PLCB3: variants seen among roughly 807,000 people sequenced by gnomAD.
PLCB3 encodes the protein 1-phosphatidylinositol 4,5-bisphosphate phosphodiesterase beta-3.
Under a neutral mutation model 152.1 loss-of-function variants are expected in PLCB3, and 54 were observed. That is an observed-to-expected ratio of 0.36 (90% CI 0.29 to 0.45). PLCB3 has a LOEUF of 0.45. Among genes scored for constraint, PLCB3 ranks in the 20% least tolerant of loss-of-function variants. The pLI is 1.00. For synonymous variants in PLCB3, 717 were observed against 698.7 expected (o/e 1.03, Z -0.41); for missense variants, 1,248 against 1,687.5 (o/e 0.74, Z 4.56).
At chr11:64,256,867 T>C (rs1348426838) in intron 10 of PLCB3, 103 bp downstream of exon 10, 29 of 1,306,344 alleles carry the variant, frequency 2.2e-5, no homozygotes, top group Non-Finnish European at 2.8e-5. Context: ...TGCTCATTCA[T>C]TGGCCAGTGC....
Position 64,266,178 on chromosome 11 carries a change from A to G in PLCB3, c.3242A>G (p.Lys1081Arg). Residue 1081 changes from lysine (K) to arginine (R), a missense_variant, in exon 27 of 31, where the codon AAG (lysine) becomes AGG (arginine). Lys to Arg is a conservative substitution (Grantham distance 26, BLOSUM62 2). Coordinates refer to ENST00000279230, the MANE Select transcript of PLCB3 (RefSeq NM_000932.5). This position sits in a 1 kb window ranked among gnomAD's most constrained non-coding sequence, Gnocchi z 4.9. ...VVLDANTTQF[K>R]RLKEMNEREK... The stretch of plus-strand genomic sequence containing the variant: ...CTTGATGCAAACACAACTCAGTTCA[A>G]GAGGCTGAAAGAGATGAACGAGAGG... The G allele has an allele frequency of 1.2e-6, 2 of 1,614,132 alleles. No individual in the cohort carries two copies. Among genetic ancestry groups the G allele is most frequent in the African/African-American group, 1.3e-5 (1 of 75,034 alleles).
Position 64,258,706 on chromosome 11 carries a change from G to T in PLCB3, c.1246G>T (p.Val416Leu). 6.2e-7 allele frequency: 1 copy of T among 1,613,678 alleles called. No homozygotes were observed. Residue 416 changes from valine (V) to leucine (L), a missense_variant, in exon 11 of 31, where the codon GTG becomes TTG. By Grantham distance (32) the Val-to-Leu change is conservative. This residue lies in a region of PLCB3 where 122 missense variants were observed against 221.8 expected (regional missense o/e 0.55). Coordinates refer to ENST00000279230, the MANE Select transcript of PLCB3 (RefSeq NM_000932.5). This position sits in a 1 kb window ranked among gnomAD's most constrained non-coding sequence, Gnocchi z 7.2. ...CGTCATCCTCTCCTTCGAGAACCAT[G>T]TGGACTCGTGAGTGAGCCCCTGGCA... ...YPVILSFENH[V>L]DSAKQQAKMA...
At chr11:64,264,156 G>T (rs1350954829) in intron 22 of PLCB3, 44 bp downstream of exon 22, 1 of 1,344,588 alleles carries the variant, frequency 7.4e-7, no homozygotes, top group East Asian at 2.4e-5. Context: ...GTGACCCAGG[G>T]GGCCGCTGGA....
In PLCB3 at chr11:64,262,400, A is replaced by G. The variant is rs201670653; in HGVS notation, c.2039-7A>G. The G allele has an allele frequency of 6.2e-7, 1 of 1,609,218 alleles. No individual in the cohort carries two copies. ...TGCCCCTGCTCGACGTGCCCGTGGC[A>G]CCCCAGATGTGGCGATGCAGCTCAA... is the stretch of plus-strand genomic sequence containing the variant. On this transcript the variant is annotated splice_polypyrimidine_tract_variant and splice_region_variant and intron_variant, in intron 17 of 30. Coordinates refer to ENST00000279230, the MANE Select transcript of PLCB3 (RefSeq NM_000932.5).
At chr11:64,263,629 C>A (rs775744962) in intron 20 of PLCB3, 32 bp downstream of exon 20, 4 of 1,603,780 alleles carry the variant, frequency 2.5e-6, no homozygotes, top group African/African-American at 1.3e-5. Context: ...GGCAGCACAG[C>A]GGGCAGTGGG....
rs1219680771 is a variant in PLCB3, at chr11:64,266,918, CG to C, written c.3415-266del. ...AAGCAATTCTCTTGCCTCAGCCTCC[CG>C]AGTAGCTGGGATTACAGGCATCCGC... On this transcript the variant is annotated intron_variant, in intron 29 of 30. Coordinates refer to ENST00000279230, the MANE Select transcript of PLCB3 (RefSeq NM_000932.5). This position sits in a 1 kb window ranked among gnomAD's most constrained non-coding sequence, Gnocchi z 4.9. Among the ~76,000 whole-genome samples, 3 of 152,146 alleles carry C rather than the reference CG, an allele frequency of 2.0e-5. No homozygotes were observed. The highest frequency in any genetic ancestry group is 4.4e-5 in the Non-Finnish European group (3 of 68,010).
chr11:64,267,479 A>G lies in PLCB3; in HGVS notation c.3628A>G (p.Asn1210Asp), dbSNP rs762962879. Residue 1210 changes from asparagine to aspartate, a missense_variant, in exon 31 of 31, where the codon AAC (asparagine) becomes GAC (aspartate). Physicochemically the swap from Asn to Asp is conservative, Grantham distance 23 (BLOSUM62 1). Transcript: ENST00000279230. This position sits in a 1 kb window ranked among gnomAD's most constrained non-coding sequence, Gnocchi z 5.2. Reference sequence around the variant, plus strand: ...CGGGCCTCTGGTGGCCTGTGCCAGCAACGGTCACGCACCCGGGAGCAGCGG... The same window carrying G: ...CGGGCCTCTGGTGGCCTGTGCCAGCGACGGTCACGCACCCGGGAGCAGCGG... ...GDGPLVACASNGHAPGSSGHL... is the reference protein window; with the variant it reads ...GDGPLVACASDGHAPGSSGHL... The G allele has an allele frequency of 1.9e-6, 3 of 1,566,400 alleles. No individual in the cohort carries two copies. The South Asian group carries it at 3.5e-5, about 18-fold the overall frequency.
chr11:64,261,302 G>T, intron 14 of PLCB3, 98 bp from the exon 15 acceptor site: 4 of 873,174 alleles, frequency 4.6e-6, no homozygotes, highest in South Asian at 1.3e-5. Flanking sequence ...TGTATATAGT[G>T]CTGGGAAGAG....
At position 64,255,631 on chromosome 11, in the gene PLCB3, G is replaced by GGGGGGGGC; in HGVS notation, c.597+15_597+16insGGGGGGGC. ...AATTCAACCGGGTGTGTGGGGTGGG[G>GGGGGGGGC]ACAGGGGCGGGGTGGGGTGTCACGG... is the stretch of plus-strand genomic sequence containing the variant. On this transcript the variant is annotated intron_variant, in intron 7 of 30. Transcript: ENST00000279230. The surrounding 1 kb of genome is among the most constrained non-coding windows in gnomAD (Gnocchi z 6.8). The GGGGGGGGC allele has an allele frequency of 1.7e-6, 1 of 604,054 alleles. No homozygotes were observed. Among genetic ancestry groups the GGGGGGGGC allele is most frequent in the Non-Finnish European group, 3.1e-6 (1 of 321,556 alleles). 37.4% of individuals were successfully genotyped at this position (604,054 alleles called of 1,614,324 possible).
Position 64,259,051 on chromosome 11 carries a change from T to C in PLCB3, c.1339-7T>C, listed in dbSNP as rs201934992. On this transcript the variant is annotated splice_polypyrimidine_tract_variant and splice_region_variant and intron_variant, in intron 12 of 30. Coordinates refer to ENST00000279230, the MANE Select transcript of PLCB3 (RefSeq NM_000932.5). ...TCCAGGGCCCTGACTCGTCCATGCC[T>C]GCCCAGCTGGCCCCAGGCGTTCCCC... is the stretch of plus-strand genomic sequence containing the variant. The C allele has an allele frequency of 6.2e-5, 100 of 1,611,642 alleles. No individual in the cohort carries two copies. In the Middle Eastern group the frequency reaches 6.6e-4, roughly 11 times the overall value.
intron 1 of PLCB3, among the ~76,000 whole-genome samples, chr11:64,252,005 C>T (rs747873730): frequency 1.1e-3 from 160 of 151,956 alleles, no homozygotes; most frequent in Non-Finnish European, 1.7e-3. Context: ...AACCCCGTCC[C>T]CCCGTTTTCC....
Position 64,266,421 on chromosome 11 carries a change from C to T in PLCB3, c.3356+17C>T, listed in dbSNP as rs376963501. The T allele has an allele frequency of 9.9e-5, 159 of 1,599,678 alleles. 1 individual carries two copies. The Middle Eastern group carries it at 2.0e-3, about 20-fold the overall frequency. On this transcript the variant is annotated intron_variant, in intron 28 of 30. Coordinates refer to ENST00000279230, the MANE Select transcript of PLCB3 (RefSeq NM_000932.5). This position sits in a 1 kb window ranked among gnomAD's most constrained non-coding sequence, Gnocchi z 4.9. The stretch of plus-strand genomic sequence containing the variant: ...GAAGGAGGCGTAAGGGCACCGGGAC[C>T]GGGGGCCATCTGGGTACTGGGGAGG...
intron 19 of PLCB3, among the ~76,000 whole-genome samples, chr11:64,263,084 C>T (rs1488514106): frequency 3.3e-5 from 5 of 152,206 alleles, no homozygotes; most frequent in Admixed American, 2.0e-4. Context: ...TACCCTGTCT[C>T]CGAGGCAGGA....
Position 64,259,168 on chromosome 11 carries a change from C to T in PLCB3, c.1449C>T (p.Arg483=). The T allele has an allele frequency of 6.2e-7, 1 of 1,603,564 alleles. No individual in the cohort carries two copies. The highest frequency in any genetic ancestry group is 8.5e-7 in the Non-Finnish European group (1 of 1,175,608). ...CAGGTGGCCCAGACAGCGCCGGGCGCAAGCGGCCCCTGGAGCAGAGCAATT... is the reference window on the plus strand; with the variant it reads ...CAGGTGGCCCAGACAGCGCCGGGCGTAAGCGGCCCCTGGAGCAGAGCAATT... ...PSAGGPDSAG[R]KRPLEQSNSA... Residue 483 remains arginine (R), a synonymous_variant, in exon 13 of 31, where the codon CGC becomes CGT. Coordinates refer to ENST00000279230, the MANE Select transcript of PLCB3 (RefSeq NM_000932.5).
intron 1 of PLCB3, among the ~76,000 whole-genome samples, chr11:64,253,236 T>C (rs1020030858): frequency 1.3e-5 from 2 of 152,222 alleles, no homozygotes; most frequent in African/African-American, 4.8e-5. Context: ...CTCCGCTCCC[T>C]GCTTCCCAGG....
chr11:64,262,680 G>A lies in PLCB3; in HGVS notation c.2227G>A (p.Val743Met). Residue 743 changes from valine (V) to methionine (M), a missense_variant, in exon 19 of 31, where the codon GTG (valine) becomes ATG (methionine). This residue lies in a region of PLCB3 where 244 missense variants were observed against 424.4 expected (regional missense o/e 0.57). Coordinates refer to ENST00000279230, the MANE Select transcript of PLCB3 (RefSeq NM_000932.5). ...AGGGCAGTTCCTGTCCGACAGGAAGGTGGGCATCTACGTGGAGGTGGACAT... is the reference window on the plus strand; with the variant it reads ...AGGGCAGTTCCTGTCCGACAGGAAGATGGGCATCTACGTGGAGGTGGACAT... ...ISGQFLSDRK[V>M]GIYVEVDMFG... 1 of 1,614,022 alleles carries A rather than the reference G, an allele frequency of 6.2e-7. No individual in the cohort carries two copies. Among genetic ancestry groups the A allele is most frequent in the Non-Finnish European group, 8.5e-7 (1 of 1,180,032 alleles).
Position 64,258,336 on chromosome 11 carries a change from G to A in PLCB3, c.1013-137G>A, listed in dbSNP as rs1205795206. 4 of 947,514 alleles carry A rather than the reference G, an allele frequency of 4.2e-6. No individual in the cohort carries two copies. Among genetic ancestry groups the A allele is most frequent in the South Asian group, 3.4e-5 (2 of 59,470 alleles). 58.7% of individuals were successfully genotyped at this position (947,514 alleles called of 1,614,324 possible). On this transcript the variant is annotated intron_variant, in intron 10 of 30. Coordinates refer to ENST00000279230, the MANE Select transcript of PLCB3 (RefSeq NM_000932.5). The surrounding 1 kb of genome is among the most constrained non-coding windows in gnomAD (Gnocchi z 7.2). ...GACTCCCCCCAGCTCACGCTGGTGG[G>A]ATGGACAGGTGGTGGGTATCCATCT...
intron 25 of PLCB3, 113 bp from the exon 26 acceptor site, chr11:64,265,773 G>A: frequency 7.2e-7 from 1 of 1,394,528 alleles, no homozygotes; most frequent in Non-Finnish European, 9.7e-7. Flanking sequence ...AACAGACCTG[G>A]CCCCATGGGA....
In PLCB3 at chr11:64,263,548, G is replaced by C; in HGVS notation, c.2406G>C (p.Gly802=). Reference sequence around the variant, plus strand: ...TTCGCATTGCAGCCTTTGAGGAGGGGGGTAAATTCGTAGGGCACCGGATCC... The same window carrying C: ...TTCGCATTGCAGCCTTTGAGGAGGGCGGTAAATTCGTAGGGCACCGGATCC... ...ASLRIAAFEE[G]GKFVGHRILP... The change falls in exon 20 of 31, where the codon GGG becomes GGC. Residue 802 remains glycine, a synonymous_variant. Transcript: ENST00000279230. 1 of 1,599,100 alleles carries C rather than the reference G, an allele frequency of 6.3e-7. No homozygotes were observed. Among genetic ancestry groups the C allele is most frequent in the Admixed American group, 1.8e-5 (1 of 56,702 alleles).
Sources: gnomAD v4.1 joint callset for allele counts (sites outside exome capture counted in the v4.1 genomes callset) on GRCh38, gnomAD v4.1.1 for gene constraint, gnomAD v4.1.1 regional missense constraint, Gnocchi (gnomAD v3.1) non-coding constraint, MANE v1.5 for transcripts, NCBI Gene and HGNC (gene_info 2026-07-23, HGNC 2026-07-21) for gene names.